Variants in ABI1 observed in about 807,000 individuals in gnomAD.
ABI1 encodes the protein abl interactor 1.
In ABI1, 14 loss-of-function variants were observed where a neutral mutation model predicts 54.6. That is an observed-to-expected ratio of 0.26 (90% CI 0.17 to 0.40). The LOEUF (loss-of-function observed/expected upper bound fraction) is 0.40. Ranked by LOEUF, ABI1 falls within the 10% of genes least tolerant of loss-of-function variation. The pLI is 1.00. For missense variants in ABI1, 443 were observed against 598.3 expected, an observed-to-expected ratio of 0.74 and a Z score of 2.71; for synonymous variants, 194 against 209.3, an observed-to-expected ratio of 0.93 and a Z score of 0.63.
intron 10 of ABI1, 140 bp downstream of exon 10, chr10:26,751,458 G>C: frequency 2.7e-6 from 2 of 748,556 alleles, no homozygotes; most frequent in Non-Finnish European, 4.0e-6. Flanking sequence ...CAAAACTTAG[G>C]AAGTAAGGTT....
chr10:26,815,354 GTAT>G (rs2047495913), intron 2 of ABI1, among the ~76,000 whole-genome samples: 1 of 152,062 alleles, frequency 6.6e-6, no homozygotes, highest in Non-Finnish European at 1.5e-5. Flanking sequence ...TCAATTGATA[GTAT>G]TAACAGCTTT....
intron 1 of ABI1, among the ~76,000 whole-genome samples, chr10:26,849,024 G>T (rs2050199431): frequency 6.6e-6 from 1 of 152,182 alleles, no homozygotes; most frequent in South Asian, 2.1e-4. Flanking sequence ...ACTCCCATTA[G>T]CACAAAAGGA....
intron 1 of ABI1, among the ~76,000 whole-genome samples, chr10:26,843,453 CAAAAAAAAAAAAAAAA>C (rs147957853): frequency 1.5e-3 from 81 of 53,028 alleles, no homozygotes; most frequent in African/African-American, 4.2e-3. Context: ...GACTCCGTCT[CAAAAAAAAAAAAAAAA>C]AAAAAAAAAA....
intron 1 of ABI1, among the ~76,000 whole-genome samples, chr10:26,829,982 C>A (rs576040242): frequency 6.6e-6 from 1 of 152,244 alleles, no homozygotes; most frequent in South Asian, 2.1e-4. Flanking sequence ...TCCTCCGGAC[C>A]CTGGAAACCA....
chr10:26,799,052 A>G (rs1231828225), intron 2 of ABI1, among the ~76,000 whole-genome samples: 1 of 152,196 alleles, frequency 6.6e-6, no homozygotes, highest in Non-Finnish European at 1.5e-5. Flanking sequence ...GAATTCAAAT[A>G]TATCATTAAC....
intron 1 of ABI1, among the ~76,000 whole-genome samples, chr10:26,852,844 A>C (rs1323296792): frequency 6.6e-6 from 1 of 152,214 alleles, no homozygotes; most frequent in Non-Finnish European, 1.5e-5. Flanking sequence ...AGGCAGGAGG[A>C]TCACTTGAGT....
chr10:26,777,780 A>G (rs1841600724), intron 2 of ABI1, among the ~76,000 whole-genome samples: 1 of 152,102 alleles, frequency 6.6e-6, no homozygotes, highest in Non-Finnish European at 1.5e-5. Flanking sequence ...TCTCAAAAAA[A>G]AGAGAGAGAT....
At chr10:26,821,297 A>G (rs1045815206) in intron 2 of ABI1, among the ~76,000 whole-genome samples, 1 of 151,712 alleles carries the variant, frequency 6.6e-6, no homozygotes, top group Admixed American at 6.6e-5. Flanking sequence ...AGGTAAGGAA[A>G]AGAAAAAGAA....
chr10:26,771,112 G>C, intron 3 of ABI1, 23 bp from the exon 4 acceptor site: 1 of 1,613,332 alleles, frequency 6.2e-7, no homozygotes, highest in Non-Finnish European at 8.5e-7. Flanking sequence ...AAAAAAAGGG[G>C]GGGAAAAAGT....
In ABI1 at chr10:26,750,560, A is replaced by G. The variant is rs116751724; in HGVS notation, c.1270+1038T>C. Reference sequence around the variant, plus strand: ...CCACATATCCAAAACTTGGGCAGGAAAGAATGCTGCTGGTCTCAAGAGCTA... The same window carrying G: ...CCACATATCCAAAACTTGGGCAGGAGAGAATGCTGCTGGTCTCAAGAGCTA... On this transcript the variant is annotated intron_variant, in intron 10 of 10. Coordinates refer to ENST00000376140, the MANE Select transcript of ABI1 (RefSeq NM_001012750.3). Among the ~76,000 whole-genome samples the G allele has an allele frequency of 6.2e-3, 940 of 152,320 alleles. 13 individuals carry two copies. The highest frequency in any genetic ancestry group is 0.021 in the African/African-American group (878 of 41,568).
intron 2 of ABI1, among the ~76,000 whole-genome samples, chr10:26,800,450 C>T (rs1180057604): frequency 2.0e-5 from 3 of 152,116 alleles, no homozygotes; most frequent in Non-Finnish European, 4.4e-5. Context: ...TACGGAGACA[C>T]ATTCTACAAA....
intron 2 of ABI1, among the ~76,000 whole-genome samples, chr10:26,817,018 G>GTC (rs1399515316): frequency 6.6e-6 from 1 of 151,232 alleles, no homozygotes; most frequent in African/African-American, 2.4e-5. Context: ...GTGTGTGTGT[G>GTC]TGACGGAGTC....
intron 9 of ABI1, among the ~76,000 whole-genome samples, chr10:26,752,853 T>C (rs1276243544): frequency 6.6e-6 from 1 of 152,156 alleles, no homozygotes; most frequent in African/African-American, 2.4e-5. Flanking sequence ...AAATTTCTGA[T>C]CAATAAATTT....
At chr10:26,827,821 G>A (rs1284807312) in intron 1 of ABI1, among the ~76,000 whole-genome samples, 1 of 151,896 alleles carries the variant, frequency 6.6e-6, no homozygotes, top group Non-Finnish European at 1.5e-5. Context: ...TTGAACTCCT[G>A]TCCCTTGTGA....
At chr10:26,780,463 G>T (rs1036634511) in intron 2 of ABI1, among the ~76,000 whole-genome samples, 2 of 152,108 alleles carry the variant, frequency 1.3e-5, no homozygotes, top group African/African-American at 2.4e-5. Context: ...CGAACTCCTG[G>T]GCTCAAGCAA....
At chr10:26,857,870 GA>G (rs1295345409) in intron 1 of ABI1, among the ~76,000 whole-genome samples, 2 of 144,256 alleles carry the variant, frequency 1.4e-5, no homozygotes, top group African/African-American at 2.7e-5. Flanking sequence ...AAAAAAGAAA[GA>G]AAAAAACTGT....
chr10:26,841,896 T>C (rs2049541768), intron 1 of ABI1, among the ~76,000 whole-genome samples: 1 of 152,232 alleles, frequency 6.6e-6, no homozygotes, highest in Non-Finnish European at 1.5e-5. Flanking sequence ...GCAATGAACA[T>C]GGGAGTGCAG....
At chr10:26,802,397 G>C (rs1243503798) in intron 2 of ABI1, among the ~76,000 whole-genome samples, 2 of 152,170 alleles carry the variant, frequency 1.3e-5, no homozygotes, top group South Asian at 2.1e-4. Flanking sequence ...AGTGGGTAGA[G>C]TGCTTTAGAA....
At chr10:26,842,430 G>A (rs749325150) in intron 1 of ABI1, among the ~76,000 whole-genome samples, 10 of 152,190 alleles carry the variant, frequency 6.6e-5, no homozygotes, top group Admixed American at 6.5e-5. Flanking sequence ...TCAGTTTGAC[G>A]TCATTCCATT....
Sources: allele counts gnomAD v4.1 joint callset (sites outside exome capture counted in the v4.1 genomes callset), GRCh38; gene constraint gnomAD v4.1.1; transcripts MANE v1.5; gene names NCBI Gene and HGNC (gene_info 2026-07-23, HGNC 2026-07-21).